CPVL: variants seen among roughly 807,000 people sequenced by gnomAD.
CPVL encodes the protein carboxypeptidase vitellogenic like, also known as probable serine carboxypeptidase CPVL.
In CPVL, 51 loss-of-function variants were observed where a neutral mutation model predicts 63.7. The ratio of observed to expected loss-of-function variants is 0.80; its 90% CI spans 0.64 to 1.01. The LOEUF (loss-of-function observed/expected upper bound fraction) is 1.01, where lower values mean the gene tolerates loss of function less well. Among genes scored for constraint, CPVL ranks in the 50% least tolerant of loss-of-function variants. The pLI is 0.00. For synonymous variants in CPVL, 195 were observed against 206.0 expected (o/e 0.95, Z 0.46); for missense variants, 530 against 573.1 (o/e 0.92, Z 0.77).
intron 12 of CPVL, chr7:29,008,943 G>A (rs1352977441): frequency 2.0e-5 from 3 of 152,064 alleles, no homozygotes; most frequent in African/African-American, 7.2e-5. Flanking sequence ...GGCATAAGCT[G>A]AAATCTGTTG....
At chr7:29,182,993 A>T (rs1489758407) in intron 4 of CPVL, among the ~76,000 whole-genome samples, 1 of 152,168 alleles carries the variant, frequency 6.6e-6, no homozygotes, top group Non-Finnish European at 1.5e-5. Context: ...AAGAAGGGAT[A>T]TATGAAAACA....
chr7:29,079,760 C>A (rs1170655915), intron 7 of CPVL, among the ~76,000 whole-genome samples: 2 of 152,300 alleles, frequency 1.3e-5, no homozygotes, highest in Admixed American at 6.5e-5. Context: ...TCTCCCACCC[C>A]ACCTTGGTTG....
chr7:29,105,174 C>A (rs1787600569), intron 3 of CPVL, among the ~76,000 whole-genome samples: 1 of 152,136 alleles, frequency 6.6e-6, no homozygotes, highest in Admixed American at 6.5e-5. Flanking sequence ...GTCCATGTCC[C>A]CTTCTCTAAG....
At chr7:29,044,375 C>G (rs1024350786) in intron 11 of CPVL, among the ~76,000 whole-genome samples, 2 of 152,070 alleles carry the variant, frequency 1.3e-5, no homozygotes, top group Non-Finnish European at 2.9e-5. Flanking sequence ...TGAGATTATG[C>G]CACTGCACTC....
chr7:29,082,963 C>A (rs1236028251), intron 7 of CPVL, among the ~76,000 whole-genome samples: 2 of 152,108 alleles, frequency 1.3e-5, no homozygotes, highest in African/African-American at 4.8e-5. Flanking sequence ...AGGGTTGTTG[C>A]CAAATAATGG....
intron 1 of CPVL, among the ~76,000 whole-genome samples, chr7:29,131,887 A>G (rs1385277907): frequency 6.6e-6 from 1 of 152,226 alleles, no homozygotes; most frequent in Non-Finnish European, 1.5e-5. Context: ...TTTGCAAGTG[A>G]TAATACTCCA....
At chr7:29,034,457 T>G (rs996575128) in intron 11 of CPVL, among the ~76,000 whole-genome samples, 4 of 152,018 alleles carry the variant, frequency 2.6e-5, no homozygotes, top group African/African-American at 7.2e-5. Flanking sequence ...AACTTTTAAG[T>G]TCAGGGGTAT....
chr7:29,108,821 C>G (rs899610886), intron 3 of CPVL, among the ~76,000 whole-genome samples: 3 of 152,144 alleles, frequency 2.0e-5, no homozygotes, highest in Non-Finnish European at 4.4e-5. Flanking sequence ...GCAGCGAAGC[C>G]AAGATTTCTA....
chr7:29,147,655 G>T (rs868296334), upstream of CPVL, among the ~76,000 whole-genome samples: 14 of 152,238 alleles, frequency 9.2e-5, no homozygotes, highest in South Asian at 6.2e-4. Flanking sequence ...CCATATGGAA[G>T]TACTTCCTAC....
At chr7:29,066,633 T>C (rs183373133) in intron 9 of CPVL, among the ~76,000 whole-genome samples, 51 of 152,270 alleles carry the variant, frequency 3.3e-4, no homozygotes, top group Non-Finnish European at 1.2e-4. Flanking sequence ...GCCTTGCCTA[T>C]GGGAGTAAGC....
chr7:29,056,333 T>C (rs1197187028), intron 11 of CPVL, among the ~76,000 whole-genome samples: 1 of 152,230 alleles, frequency 6.6e-6, no homozygotes, highest in Non-Finnish European at 1.5e-5. Context: ...AAATCCTCTG[T>C]GCTCTGCCTA....
chr7:29,133,641 G>A (rs768479183), intron 1 of CPVL, among the ~76,000 whole-genome samples: 1 of 152,334 alleles, frequency 6.6e-6, no homozygotes, highest in African/African-American at 2.4e-5. Flanking sequence ...CTGAAACGTG[G>A]TGAATCAGAA....
chr7:29,151,704 C>T (rs575003963), intron 5 of CPVL, among the ~76,000 whole-genome samples: 4 of 152,272 alleles, frequency 2.6e-5, no homozygotes, highest in East Asian at 1.9e-4. Flanking sequence ...AGGAGTAGAC[C>T]GATGGCATCT....
intron 1 of CPVL, chr7:29,126,902 ACT>A (rs1790085960): frequency 6.6e-6 from 1 of 152,052 alleles, no homozygotes; most frequent in South Asian, 2.1e-4. Context: ...CTCTTGAAGT[ACT>A]CTTTTCCCAG....
intron 11 of CPVL, among the ~76,000 whole-genome samples, chr7:29,042,586 C>T (rs1173417926): frequency 6.6e-6 from 1 of 152,092 alleles, no homozygotes; most frequent in Non-Finnish European, 1.5e-5. Flanking sequence ...GCCTGGGCAA[C>T]AGTGAGACCC....
chr7:29,135,568 G>A (rs753220346), intron 1 of CPVL, among the ~76,000 whole-genome samples: 17 of 152,116 alleles, frequency 1.1e-4, no homozygotes, highest in South Asian at 2.1e-4. Flanking sequence ...TCCTGACCTC[G>A]TGATCCACCC....
intron 2 of CPVL, among the ~76,000 whole-genome samples, chr7:29,118,090 T>C (rs1272569883): frequency 1.3e-5 from 2 of 152,216 alleles, no homozygotes; most frequent in Non-Finnish European, 2.9e-5. Flanking sequence ...AAGAACACTT[T>C]AGAAGCTTCT....
chr7:29,035,594 G>A (rs533259178), intron 11 of CPVL, among the ~76,000 whole-genome samples: 4 of 151,538 alleles, frequency 2.6e-5, no homozygotes, highest in Non-Finnish European at 5.9e-5. Context: ...TTGCTAAACC[G>A]CTGTGAAATA....
intron 4 of CPVL, 40 bp from the exon 5 acceptor site, chr7:29,095,182 C>T (rs1786280329): frequency 6.4e-7 from 1 of 1,567,614 alleles, no homozygotes; most frequent in Admixed American, 1.7e-5. Context: ...GAGTCGTGGA[C>T]AAGCATTCCA....
Sources: gnomAD v4.1 joint callset for allele counts (sites outside exome capture counted in the v4.1 genomes callset) on GRCh38, gnomAD v4.1.1 for gene constraint, MANE v1.5 for transcripts, NCBI Gene and HGNC (gene_info 2026-07-23, HGNC 2026-07-21) for gene names.